Variants in INTS8 observed in about 807,000 individuals in gnomAD.
INTS8 encodes the protein protein kaonashi-1.
A neutral mutation model predicts 138.9 loss-of-function variants in INTS8; 47 were observed. The ratio of observed to expected loss-of-function variants is 0.34; its 90% confidence interval spans 0.27 to 0.43. The LOEUF (loss-of-function observed/expected upper bound fraction) is 0.43. Among genes scored for constraint, INTS8 ranks in the 20% least tolerant of loss-of-function variants. The probability of loss-of-function intolerance (pLI) is 1.00; values close to 1 mark genes in which losing one functional copy is unlikely to be tolerated. For synonymous variants in INTS8, 392 were observed against 400.9 expected (o/e 0.98, Z 0.27); for missense variants, 996 against 1,173.0 (o/e 0.85, Z 2.20).
At chr8:94,830,167 A>G (rs1563641239) in intron 5 of INTS8, among the ~76,000 whole-genome samples, 1 of 152,232 alleles carries the variant, frequency 6.6e-6, no homozygotes. Flanking sequence ...AAGTGCTGGG[A>G]TTACAGGTGT....
intron 7 of INTS8, among the ~76,000 whole-genome samples, 164 bp from the exon 8 acceptor site, chr8:94,838,299 C>T (rs1466154086): frequency 6.6e-6 from 1 of 152,200 alleles, no homozygotes; most frequent in Non-Finnish European, 1.5e-5. Context: ...ATCCGCCAGT[C>T]TCGGCCTCCC....
intron 10 of INTS8, among the ~76,000 whole-genome samples, chr8:94,845,024 G>GA (rs1200282026): frequency 6.6e-6 from 1 of 152,068 alleles, no homozygotes; most frequent in African/African-American, 2.4e-5. Flanking sequence ...AAAGTGCTGT[G>GA]ATTACAGGCA....
chr8:94,842,472 T>C lies in INTS8; in HGVS notation c.1244T>C (p.Ile415Thr), dbSNP rs1478934244. Reference sequence around the variant, plus strand: ...TTTCTTAGACCAAATAAAGAGAAAATAGACTTTCTTCTTGAGGTATGACAT... The same window carrying C: ...TTTCTTAGACCAAATAAAGAGAAAACAGACTTTCTTCTTGAGGTATGACAT... ...QLFLRPNKEK[I>T]DFLLEVCSRS... Residue 415 changes from isoleucine (I) to threonine (T), a missense_variant, in exon 10 of 27, where the codon ATA becomes ACA. Physicochemically the swap from Ile to Thr is moderately conservative, Grantham distance 89 (BLOSUM62 -1). Coordinates refer to ENST00000523731, the MANE Select transcript of INTS8 (RefSeq NM_017864.4). 19 of 1,601,980 alleles carry C rather than the reference T, an allele frequency of 1.2e-5. No homozygotes were observed. The Admixed American group carries it at 3.1e-4, about 26-fold the overall frequency.
chr8:94,856,767 C>T lies in INTS8; in HGVS notation c.1753-10C>T, dbSNP rs757981165. ...AAAGGTGACCCAGGCTATTCTTTTT[C>T]TTTTCATAGGACTTTTCCCATGCTA... On this transcript the variant is annotated splice_polypyrimidine_tract_variant and intron_variant, in intron 14 of 26. Transcript: ENST00000523731. The T allele has an allele frequency of 6.2e-7, 1 of 1,613,032 alleles. No individual in the cohort carries two copies. Among genetic ancestry groups the T allele is most frequent in the East Asian group, 2.2e-5 (1 of 44,872 alleles).
intron 10 of INTS8, among the ~76,000 whole-genome samples, chr8:94,847,409 A>G (rs150510558): frequency 2.2e-4 from 33 of 152,164 alleles, no homozygotes; most frequent in African/African-American, 7.7e-4. Context: ...TTGCCTTATA[A>G]ATAAGTTGAG....
At chr8:94,852,669 A>G (rs1009593889) in intron 13 of INTS8, among the ~76,000 whole-genome samples, 1 of 151,678 alleles carries the variant, frequency 6.6e-6, no homozygotes, top group East Asian at 1.9e-4. Context: ...GCTCACTGCA[A>G]CCTCCGCCTC....
intron 4 of INTS8, 81 bp downstream of exon 4, chr8:94,827,874 G>C (rs750737629): frequency 2.3e-5 from 26 of 1,132,190 alleles, no homozygotes; most frequent in African/African-American, 4.6e-5. Flanking sequence ...AATAACCTCT[G>C]TTATAGAAGA....
At chr8:94,861,050 CTG>C (rs1815949120) in intron 16 of INTS8, among the ~76,000 whole-genome samples, 1 of 124,204 alleles carries the variant, frequency 8.1e-6, no homozygotes, top group Non-Finnish European at 1.7e-5. Context: ...GAGTGAGACT[CTG>C]TCTCAAAAAA....
At chr8:94,855,025 C>G (rs1358622509) in intron 14 of INTS8, among the ~76,000 whole-genome samples, 1 of 151,576 alleles carries the variant, frequency 6.6e-6, no homozygotes, top group African/African-American at 2.4e-5. Flanking sequence ...GCATTACAGG[C>G]ATGAGCCACT....
Position 94,824,766 on chromosome 8 carries a change from CA to C in INTS8, c.131-117del, listed in dbSNP as rs201131859. ...GCAGCTGTTTGGATTCCTTTTGTGGCAAAAAAAAAACCCAAACTCCCCCCCC... is the reference window on the plus strand; with the variant it reads ...GCAGCTGTTTGGATTCCTTTTGTGGCAAAAAAAAACCCAAACTCCCCCCCC... On this transcript the variant is annotated intron_variant, in intron 1 of 26. Coordinates refer to ENST00000523731, the MANE Select transcript of INTS8 (RefSeq NM_017864.4). 4.1e-3 allele frequency: 1,342 copies of C among 331,176 alleles called. 2 individuals are homozygous for C. The highest frequency in any genetic ancestry group is 5.0e-3 in the Non-Finnish European group (904 of 182,220). The allele number at this position is 331,176 out of a possible 1,614,324, so 20.5% of individuals were successfully genotyped here. A position where few individuals can be genotyped will look rare whatever the true frequency, so the allele number is the denominator to read the frequency against.
At position 94,881,573 on chromosome 8, in the gene INTS8, A is replaced by G. The variant is rs1420160569; in HGVS notation, c.*1339A>G. On this transcript the variant is annotated 3_prime_UTR_variant, in exon 27 of 27. Transcript: ENST00000523731. ...ACTTTCTGTAAAACTTTAGTAGTTC[A>G]GTGATACCAGTTCTACCCAATCTTG... 11 of 1,556,654 alleles carry G rather than the reference A, an allele frequency of 7.1e-6. No homozygotes were observed. In the East Asian group the frequency reaches 2.5e-4, roughly 35 times the overall value.
Position 94,829,035 on chromosome 8 carries a change from T to G in INTS8, c.570+9T>G. 1.3e-6 allele frequency: 2 copies of G among 1,588,722 alleles called. No individual in the cohort carries two copies. Among genetic ancestry groups the G allele is most frequent in the Non-Finnish European group, 1.7e-6 (2 of 1,161,864 alleles). ...AAAACATTTTGAAAGTGGTAAGTAT[T>G]GGCATCAGTTACACAGTAACACTTC... On this transcript the variant is annotated intron_variant, in intron 5 of 26. Coordinates refer to ENST00000523731, the MANE Select transcript of INTS8 (RefSeq NM_017864.4).
At chr8:94,857,063 TTTGTAATC>T in intron 15 of INTS8, 85 bp downstream of exon 15, 5 of 1,004,942 alleles carry the variant, frequency 5.0e-6, no homozygotes, top group African/African-American at 1.6e-5. Flanking sequence ...TTTATTTGAG[TTTGTAATC>T]TTTTTTTTTT....
At chr8:94,879,031 G>A (rs1816681434) in intron 26 of INTS8, among the ~76,000 whole-genome samples, 1 of 152,092 alleles carries the variant, frequency 6.6e-6, no homozygotes, top group Admixed American at 6.6e-5. Context: ...TTTGATTACT[G>A]TCCACATGGG....
At chr8:94,872,350 C>G (rs1424888690) in intron 21 of INTS8, among the ~76,000 whole-genome samples, 3 of 152,164 alleles carry the variant, frequency 2.0e-5, no homozygotes, top group Admixed American at 6.5e-5. Flanking sequence ...TCTCCTGCCT[C>G]AGCCTCCCAA....
intron 16 of INTS8, among the ~76,000 whole-genome samples, chr8:94,861,027 A>G (rs1815947078): frequency 1.4e-5 from 2 of 147,106 alleles, no homozygotes; most frequent in Middle Eastern, 6.9e-3. Context: ...ACTGCACTCC[A>G]GCCTGGGCGA....
chr8:94,850,571 C>T (rs1430970783), intron 12 of INTS8, among the ~76,000 whole-genome samples: 4 of 148,906 alleles, frequency 2.7e-5, no homozygotes, highest in Non-Finnish European at 5.9e-5. Flanking sequence ...AAGATTGCGC[C>T]ACTGCACTCC....
chr8:94,876,390 G>A, intron 25 of INTS8, 56 bp from the exon 26 acceptor site: 5 of 1,390,698 alleles, frequency 3.6e-6, no homozygotes, highest in Non-Finnish European at 4.0e-6. Context: ...AATGAGTTGA[G>A]ATTCTCTCAT....
intron 13 of INTS8, 38 bp from the exon 14 acceptor site, chr8:94,853,767 A>G (rs369404982): frequency 8.7e-6 from 10 of 1,151,364 alleles, no homozygotes; most frequent in Admixed American, 1.7e-5. Flanking sequence ...GGCTTCCTCT[A>G]TGTGTGCATA....
Sources: allele counts gnomAD v4.1 joint callset (sites outside exome capture counted in the v4.1 genomes callset), GRCh38; gene constraint gnomAD v4.1.1; transcripts MANE v1.5; gene names NCBI Gene and HGNC (gene_info 2026-07-23, HGNC 2026-07-21).